Variants in ADGRL3 observed in about 807,000 individuals in gnomAD.
ADGRL3 encodes calcium-independent alpha-latrotoxin receptor 3.
ADGRL3 carries 62 observed loss-of-function variants against 153.5 expected under a neutral mutation model. The observed-to-expected ratio is 0.40, with a 90% CI of 0.33 to 0.50. The LOEUF (loss-of-function observed/expected upper bound fraction) is 0.50. ADGRL3 is among the 20% of genes least tolerant of loss of function. The pLI is 0.47. For synonymous variants in ADGRL3, 710 were observed against 672.5 expected, an observed-to-expected ratio of 1.06 and a Z score of -0.86; for missense variants, 1,641 against 1,859.4, an observed-to-expected ratio of 0.88 and a Z score of 2.16.
chr4:61,580,302 A>G (rs1237542331), intron 4 of ADGRL3, among the ~76,000 whole-genome samples: 1 of 152,056 alleles, frequency 6.6e-6, no homozygotes, highest in Admixed American at 6.6e-5. Context: ...AGTGAGATGC[A>G]GGGGCAAAAA....
In ADGRL3 at chr4:61,742,897, T is replaced by C. The variant is rs185133030; in HGVS notation, c.1399+9343T>C. On this transcript the variant is annotated intron_variant, in intron 8 of 26. Transcript: ENST00000683033. The stretch of plus-strand genomic sequence containing the variant: ...TATACCTTTCAGTAGTACAAATCAA[T>C]GGCCAAACTTTTTGCATCTATTTAT... Among the ~76,000 whole-genome samples, 17 of 152,276 alleles carry C rather than the reference T, an allele frequency of 1.1e-4. 1 individual carries two copies. Among genetic ancestry groups the C allele is most frequent in the African/African-American group, 3.9e-4 (16 of 41,552 alleles).
At chr4:61,450,079 A>T (rs2097655283) in intron 2 of ADGRL3, among the ~76,000 whole-genome samples, 1 of 152,204 alleles carries the variant, frequency 6.6e-6, no homozygotes, top group Admixed American at 6.5e-5. Flanking sequence ...ACCCAAATGG[A>T]TTTGTCTGCA....
At chr4:61,860,252 C>T (rs1358926452) in intron 9 of ADGRL3, among the ~76,000 whole-genome samples, 3 of 151,992 alleles carry the variant, frequency 2.0e-5, no homozygotes, top group Admixed American at 1.3e-4. Flanking sequence ...TTGGTTCTTT[C>T]TCTGCAACCA....
chr4:61,520,355 A>T lies in ADGRL3; in HGVS notation c.259+2837A>T, dbSNP rs545739957. Among the ~76,000 whole-genome samples the T allele has an allele frequency of 2.0e-5, 3 of 152,270 alleles. No homozygotes were observed. The South Asian group carries it at 6.2e-4, about 32-fold the overall frequency. ...TGCATTAAAAAAGTTCATTGAGAAG[A>T]TCTACAAATAATGTTCCTACAAACC... On this transcript the variant is annotated intron_variant, in intron 4 of 26. Transcript: ENST00000683033.
intron 9 of ADGRL3, among the ~76,000 whole-genome samples, chr4:61,887,130 G>A (rs545955578): frequency 6.6e-6 from 1 of 152,010 alleles, no homozygotes; most frequent in East Asian, 1.9e-4. Context: ...CTCCCAAAGT[G>A]CTGTGATTAC....
intron 15 of ADGRL3, among the ~76,000 whole-genome samples, chr4:61,945,926 G>A (rs943966045): frequency 3.9e-5 from 6 of 152,148 alleles, no homozygotes; most frequent in Non-Finnish European, 5.9e-5. Flanking sequence ...GCTGTAGACT[G>A]GAGCTGTTCC....
intron 4 of ADGRL3, among the ~76,000 whole-genome samples, chr4:61,530,244 C>G (rs540775741): frequency 6.6e-6 from 1 of 151,232 alleles, no homozygotes; most frequent in East Asian, 2.0e-4. Context: ...GAAGAAAATG[C>G]AGATAGCATT....
At chr4:61,457,915 G>C (rs2097772274) in intron 2 of ADGRL3, among the ~76,000 whole-genome samples, 1 of 151,356 alleles carries the variant, frequency 6.6e-6, no homozygotes, top group Non-Finnish European at 1.5e-5. Flanking sequence ...CAGCCGTTTG[G>C]CCTGGTGTTC....
Position 61,245,218 on chromosome 4 carries a change from T to G in ADGRL3, c.-240+43453T>G, listed in dbSNP as rs866687568. Among the ~76,000 whole-genome samples, 48 of 152,172 alleles carry G rather than the reference T, an allele frequency of 3.2e-4. 1 individual carries two copies. Among genetic ancestry groups the G allele is most frequent in the African/African-American group, 1.0e-3 (43 of 41,564 alleles). On this transcript the variant is annotated intron_variant, in intron 1 of 26. Coordinates refer to ENST00000683033, the MANE Select transcript of ADGRL3 (RefSeq NM_001387552.1). ...AGACAGACTTGTGGATCAGTGCTATTACACATATAAGGTTTTTAGCCTCAG... is the reference window on the plus strand; with the variant it reads ...AGACAGACTTGTGGATCAGTGCTATGACACATATAAGGTTTTTAGCCTCAG...
At chr4:61,810,984 AC>A (rs1390058339) in intron 8 of ADGRL3, among the ~76,000 whole-genome samples, 1 of 152,116 alleles carries the variant, frequency 6.6e-6, no homozygotes, top group Non-Finnish European at 1.5e-5. Context: ...AAACAAACAA[AC>A]AAACAAAAAC....
chr4:61,651,330 C>A (rs2094240297), intron 5 of ADGRL3, among the ~76,000 whole-genome samples: 1 of 152,084 alleles, frequency 6.6e-6, no homozygotes. Context: ...ATTCTGATTC[C>A]TAAATCATAA....
chr4:61,758,903 A>T (rs567663678), intron 8 of ADGRL3, among the ~76,000 whole-genome samples: 20 of 152,176 alleles, frequency 1.3e-4, no homozygotes, highest in Admixed American at 3.3e-4. Context: ...AGCATTTGCT[A>T]GTCTGTAAAG....
At chr4:61,697,434 C>T (rs2095662460) in intron 6 of ADGRL3, among the ~76,000 whole-genome samples, 1 of 151,790 alleles carries the variant, frequency 6.6e-6, no homozygotes. Context: ...GTGGCAGGTG[C>T]CTGTAATCCC....
At chr4:61,913,495 A>G (rs769488170) in intron 13 of ADGRL3, among the ~76,000 whole-genome samples, 1 of 152,170 alleles carries the variant, frequency 6.6e-6, no homozygotes, top group Non-Finnish European at 1.5e-5. Context: ...TATACATTTC[A>G]CAGCATTTTT....
chr4:61,900,635 A>G (rs2098659219), intron 11 of ADGRL3, among the ~76,000 whole-genome samples: 1 of 152,132 alleles, frequency 6.6e-6, no homozygotes, highest in African/African-American at 2.4e-5. Flanking sequence ...GAGAAAAAAG[A>G]GAGGGAAAGG....
At chr4:61,442,100 A>G (rs2097534357) in intron 2 of ADGRL3, among the ~76,000 whole-genome samples, 1 of 152,178 alleles carries the variant, frequency 6.6e-6, no homozygotes, top group African/African-American at 2.4e-5. Context: ...ACCCCCACCC[A>G]GTGCTTAGAA....
At chr4:62,026,793 T>G (rs967809400) in intron 21 of ADGRL3, among the ~76,000 whole-genome samples, 1 of 151,972 alleles carries the variant, frequency 6.6e-6, no homozygotes, top group African/African-American at 2.4e-5. Context: ...TGAGTAGATT[T>G]TAGCTGCCCT....
chr4:61,483,720 A>G (rs1321267314), intron 2 of ADGRL3, among the ~76,000 whole-genome samples: 1 of 151,966 alleles, frequency 6.6e-6, no homozygotes, highest in East Asian at 1.9e-4. Context: ...CTGGGCAACA[A>G]GAGCAAAATT....
chr4:61,642,680 G>C (rs1230554033), intron 5 of ADGRL3, among the ~76,000 whole-genome samples: 4 of 152,050 alleles, frequency 2.6e-5, no homozygotes, highest in African/African-American at 9.7e-5. Context: ...ATGCTGTTTT[G>C]GTTACTGTAG....
Sources: allele counts gnomAD v4.1 joint callset (sites outside exome capture counted in the v4.1 genomes callset), GRCh38; gene constraint gnomAD v4.1.1; transcripts MANE v1.5; gene names NCBI Gene and HGNC (gene_info 2026-07-23, HGNC 2026-07-21).